HORMAD2: variants seen among roughly 807,000 people sequenced by gnomAD.
HORMAD2 encodes the protein HORMA domain containing 2.
Under a neutral mutation model 38.8 loss-of-function variants are expected in HORMAD2, and 45 were observed. That is an observed-to-expected ratio of 1.16 (90% CI 0.91 to 1.49). The LOEUF (loss-of-function observed/expected upper bound fraction) is 1.49, where lower values mean the gene tolerates loss of function less well. HORMAD2 is among the 40% of genes most tolerant of loss of function. The pLI is 0.00. For synonymous variants in HORMAD2, 126 were observed against 122.8 expected (o/e 1.03, Z -0.17); for missense variants, 338 against 367.0 (o/e 0.92, Z 0.65).
At position 30,121,963 on chromosome 22, in the gene HORMAD2, G is replaced by T. The variant is rs1922473646; in HGVS notation, c.569-1G>T. The T allele has an allele frequency of 6.2e-7, 1 of 1,608,746 alleles. No individual in the cohort carries two copies. The highest frequency in any genetic ancestry group is 8.5e-7 in the Non-Finnish European group (1 of 1,177,424). On this transcript the variant is annotated splice_acceptor_variant, in intron 9 of 10. Transcript: ENST00000336726. LOFTEE classifies it high-confidence loss of function. ...GGCTTTTTGCCCTTTTCATTTCGCAGTGACCCCACATGATTACCAACCCCT... is the reference window on the plus strand; with the variant it reads ...GGCTTTTTGCCCTTTTCATTTCGCATTGACCCCACATGATTACCAACCCCT...
chr22:30,112,501 C>A lies in HORMAD2; in HGVS notation c.321C>A (p.Tyr107Ter). 1 of 1,399,672 alleles carries A rather than the reference C, an allele frequency of 7.1e-7. No homozygotes were observed. Among genetic ancestry groups the A allele is most frequent in the Admixed American group, 2.9e-5 (1 of 34,568 alleles). The allele number at this position is 1,399,672 out of a possible 1,614,324, so 86.7% of individuals were successfully genotyped here. ...RYLRMAVLTL[Y>*]TDPMGSEKVT... ...GTTTATTTTCCCTTATACAGCTTTA[C>A]ACAGATCCCATGGGATCTGAGGTAA... Residue 107 changes from tyrosine (Y) to a stop codon, truncating the protein, a stop_gained, in exon 7 of 11, where the codon TAC (tyrosine) becomes TAA (stop). Coordinates refer to ENST00000336726, the MANE Select transcript of HORMAD2 (RefSeq NM_152510.4). LOFTEE classifies it high-confidence loss of function.
At chr22:30,161,185 TAG>T (rs1331500200) in intron 10 of HORMAD2, among the ~76,000 whole-genome samples, 4 of 152,246 alleles carry the variant, frequency 2.6e-5, no homozygotes, top group Non-Finnish European at 5.9e-5. Flanking sequence ...ATTGCACCAA[TAG>T]AGATCTTCCA....
At chr22:30,107,584 G>A (rs1298058310) in intron 5 of HORMAD2, among the ~76,000 whole-genome samples, 5 of 151,704 alleles carry the variant, frequency 3.3e-5, no homozygotes, top group African/African-American at 9.7e-5. Flanking sequence ...CCCTGTCTCT[G>A]CTATAAATAC....
chr22:30,164,020 A>C (rs1925619503), intron 10 of HORMAD2, among the ~76,000 whole-genome samples: 1 of 152,216 alleles, frequency 6.6e-6, no homozygotes, highest in African/African-American at 2.4e-5. Flanking sequence ...TGACTACTCT[A>C]TATACCTTAC....
rs1922439046 is a variant in HORMAD2 at position 30,121,634 on chromosome 22, A to G, written c.413A>G (p.His138Arg). ...AGTATGCTTTTTTTTCTGTGTAGTC[A>G]TAGCAGCAGTACAAGCTTTGAAAGT... ...KEGATMDFDS[H>R]SSSTSFESGT... Residue 138 changes from histidine (H) to arginine (R), a missense_variant and splice_region_variant, in exon 9 of 11, where the codon CAT becomes CGT. Physicochemically the swap from His to Arg is conservative, Grantham distance 29. Coordinates refer to ENST00000336726, the MANE Select transcript of HORMAD2 (RefSeq NM_152510.4). 1 of 1,586,282 alleles carries G rather than the reference A, an allele frequency of 6.3e-7. No homozygotes were observed. Among genetic ancestry groups the G allele is most frequent in the Admixed American group, 1.8e-5 (1 of 54,706 alleles).
chr22:30,194,845 G>A, the HORMAD2 span, among the ~76,000 whole-genome samples: 21 of 152,252 alleles, frequency 1.4e-4, no homozygotes, highest in Non-Finnish European at 2.5e-4. Context: ...GATTTTTATA[G>A]CCCGTGTTGG....
the HORMAD2 span, among the ~76,000 whole-genome samples, chr22:30,206,089 A>G: frequency 6.6e-6 from 1 of 152,008 alleles, no homozygotes; most frequent in East Asian, 1.9e-4. Context: ...CATTCTGACC[A>G]CTACACTGCA....
chr22:30,118,328 C>G (rs1219724380), intron 7 of HORMAD2, among the ~76,000 whole-genome samples: 1 of 148,070 alleles, frequency 6.8e-6, no homozygotes, highest in Non-Finnish European at 1.5e-5. Flanking sequence ...TTGCTGTTCC[C>G]TCTGCCTGAG....
chr22:30,134,403 A>G (rs1022683142), intron 10 of HORMAD2, among the ~76,000 whole-genome samples: 2 of 147,236 alleles, frequency 1.4e-5, no homozygotes, highest in African/African-American at 2.5e-5. Context: ...ATATATAATC[A>G]TAAATATATA....
rs571663410 is a variant in HORMAD2, at chr22:30,122,224, A to G, written c.819+10A>G. 1.3e-6 allele frequency: 2 copies of G among 1,595,734 alleles called. No individual in the cohort carries two copies. Among genetic ancestry groups the G allele is most frequent in the African/African-American group, 2.7e-5 (2 of 74,426 alleles). On this transcript the variant is annotated intron_variant, in intron 10 of 10. Transcript: ENST00000336726. ...AGAATGCAATGACCATGTAAGGCAA[A>G]GCTTTAGAGATTTTCTATCGTGTCA...
chr22:30,178,832 C>T (rs1926587781), downstream of HORMAD2, among the ~76,000 whole-genome samples: 1 of 152,116 alleles, frequency 6.6e-6, no homozygotes, highest in African/African-American at 2.4e-5. Context: ...TTGAATTTGG[C>T]TGTTTGGGGT....
At chr22:30,153,948 C>A (rs1924913596) in intron 10 of HORMAD2, among the ~76,000 whole-genome samples, 1 of 152,190 alleles carries the variant, frequency 6.6e-6, no homozygotes, top group Non-Finnish European at 1.5e-5. Context: ...CCAGTGGTCT[C>A]CTTGCTTTCA....
At chr22:30,096,474 C>T (rs1190914062) in intron 2 of HORMAD2, among the ~76,000 whole-genome samples, 2 of 149,580 alleles carry the variant, frequency 1.3e-5, no homozygotes, top group Admixed American at 6.7e-5. Flanking sequence ...AGTATTCTCT[C>T]ATTGTGATTT....
chr22:30,106,298 A>C (rs1450051651), intron 5 of HORMAD2, among the ~76,000 whole-genome samples: 1 of 152,196 alleles, frequency 6.6e-6, no homozygotes, highest in East Asian at 1.9e-4. Context: ...GGCATGAACC[A>C]CTTCACCCAG....
At chr22:30,137,461 C>A in intron 10 of HORMAD2, 1 of 225,008 alleles carries the variant, frequency 4.4e-6, no homozygotes. Context: ...GCACTGCAAC[C>A]AGGGCTACAG....
In HORMAD2 at chr22:30,121,980, C is replaced by T. The variant is rs1330393237; in HGVS notation, c.585C>T (p.Tyr195=). Reference sequence around the variant, plus strand: ...ATTTCGCAGTGACCCCACATGATTACCAACCCCTCGGTTTTAAAGAAGGGG... The same window carrying T: ...ATTTCGCAGTGACCCCACATGATTATCAACCCCTCGGTTTTAAAGAAGGGG... ...HYYNAVTPHD[Y]QPLGFKEGVN... The change falls in exon 10 of 11, where the codon TAC becomes TAT. Residue 195 remains tyrosine (Y), a synonymous_variant. Transcript: ENST00000336726. 7 of 1,611,068 alleles carry T rather than the reference C, an allele frequency of 4.3e-6. No individual in the cohort carries two copies. The Admixed American group carries it at 1.2e-4, about 27-fold the overall frequency.
downstream of HORMAD2, among the ~76,000 whole-genome samples, chr22:30,180,837 C>T (rs1431712936): frequency 2.1e-5 from 3 of 145,662 alleles, no homozygotes; most frequent in Non-Finnish European, 3.0e-5. Flanking sequence ...CCCTTCCCTT[C>T]TTCCCTTCTC....
intron 10 of HORMAD2, among the ~76,000 whole-genome samples, chr22:30,132,893 A>G (rs970933898): frequency 2.0e-5 from 3 of 152,240 alleles, no homozygotes; most frequent in Non-Finnish European, 4.4e-5. Context: ...TATAGCAGAA[A>G]AAAAAGTCAA....
At chr22:30,204,263 A>G in the HORMAD2 span, among the ~76,000 whole-genome samples, 9 of 152,118 alleles carry the variant, frequency 5.9e-5, no homozygotes, top group African/African-American at 1.9e-4. Context: ...CCTGCCATCC[A>G]TCCATCACCC....
Sources: allele counts gnomAD v4.1 joint callset (sites outside exome capture counted in the v4.1 genomes callset), GRCh38; gene constraint gnomAD v4.1.1; transcripts MANE v1.5; gene names NCBI Gene and HGNC (gene_info 2026-07-23, HGNC 2026-07-21).